Variants in CACNA1D observed in about 807,000 individuals in gnomAD.
CACNA1D encodes the protein voltage-dependent L-type calcium channel subunit alpha-1D.
In CACNA1D, 55 loss-of-function variants were observed where a neutral mutation model predicts 257.1. The ratio of observed to expected loss-of-function variants is 0.21; its 90% CI spans 0.17 to 0.27. The LOEUF is 0.27. Among genes scored for constraint, CACNA1D ranks in the 10% least tolerant of loss-of-function variants. The pLI is 1.00. For missense variants in CACNA1D, 1,876 were observed against 2,784.0 expected (o/e 0.67, Z 7.34); for synonymous variants, 980 against 1,014.9 (o/e 0.97, Z 0.65).
At position 53,774,322 on chromosome 3, in the gene CACNA1D, G is replaced by T; in HGVS notation, c.4111-265G>T. On this transcript the variant is annotated intron_variant, in intron 33 of 47. Transcript: ENST00000350061. This position sits in a 1 kb window ranked among gnomAD's most constrained non-coding sequence, Gnocchi z 4.3. ...CCCAGCATCATCACTGGGGTTTGAT[G>T]TTGCCTGGCTACCTTTGTGTCTCCC... is the stretch of plus-strand genomic sequence containing the variant. 1 of 459,930 alleles carries T rather than the reference G, an allele frequency of 2.2e-6. No individual in the cohort carries two copies. The highest frequency in any genetic ancestry group is 4.0e-6 in the Non-Finnish European group (1 of 249,292). 28.5% of individuals were successfully genotyped at this position (459,930 alleles called of 1,614,324 possible). A position where few individuals can be genotyped will look rare whatever the true frequency, so the allele number is the denominator to read the frequency against.
chr3:53,728,135 T>TTTA (rs2094953978), intron 15 of CACNA1D, among the ~76,000 whole-genome samples: 1 of 152,014 alleles, frequency 6.6e-6, no homozygotes, highest in Non-Finnish European at 1.5e-5. Flanking sequence ...TTTTTATTTA[T>TTTA]TTATTATTAT....
At position 53,693,437 on chromosome 3, in the gene CACNA1D, T is replaced by A. The variant is rs9869730; in HGVS notation, c.1221-9204T>A. The stretch of plus-strand genomic sequence containing the variant: ...GCCAATGATTAAAAATTTTTTAAAT[T>A]GTGAAACATCACACATTGCTGTTAT... On this transcript the variant is annotated intron_variant, in intron 8 of 47. Coordinates refer to ENST00000350061, the MANE Select transcript of CACNA1D (RefSeq NM_001128840.3). Among the ~76,000 whole-genome samples, 802 of 151,628 alleles carry A rather than the reference T, an allele frequency of 5.3e-3. 9 individuals are homozygous for A. The highest frequency in any genetic ancestry group is 0.018 in the African/African-American group (760 of 41,254).
intron 3 of CACNA1D, among the ~76,000 whole-genome samples, chr3:53,583,875 C>T (rs1478741447): frequency 1.3e-5 from 2 of 152,184 alleles, no homozygotes; most frequent in African/African-American, 4.8e-5. Context: ...GAGTGGGCCC[C>T]TTCATAGTTT....
chr3:53,585,250 C>T (rs2093195110), intron 3 of CACNA1D, among the ~76,000 whole-genome samples: 1 of 151,954 alleles, frequency 6.6e-6, no homozygotes, highest in Non-Finnish European at 1.5e-5. Context: ...CAGAGAGGTC[C>T]CTGGGTCAGA....
intron 9 of CACNA1D, among the ~76,000 whole-genome samples, chr3:53,716,237 A>G (rs977195579): frequency 1.3e-5 from 2 of 152,252 alleles, no homozygotes; most frequent in Non-Finnish European, 2.9e-5. Context: ...AGGAAAGTGA[A>G]GCCTGGAGAG....
chr3:53,557,284 C>T (rs1057329649), intron 3 of CACNA1D, among the ~76,000 whole-genome samples: 4 of 152,116 alleles, frequency 2.6e-5, no homozygotes, highest in South Asian at 2.1e-4. Flanking sequence ...CACCTGAGGT[C>T]GGGAGTTTGA....
chr3:53,504,469 G>A (rs2090740821), intron 3 of CACNA1D, among the ~76,000 whole-genome samples: 1 of 152,134 alleles, frequency 6.6e-6, no homozygotes, highest in Non-Finnish European at 1.5e-5. Context: ...ACCTTGGGGG[G>A]CAGAAGTTTT....
rs770332315 is a variant in CACNA1D, at chr3:53,810,194, G to C, written c.6088G>C (p.Asp2030His). Residue 2030 changes from aspartate (D) to histidine (H), a missense_variant, in exon 47 of 48, where the codon GAC becomes CAC. Physicochemically the swap from Asp to His is moderately conservative, Grantham distance 81. Transcript: ENST00000350061. ...CAGCTCCTGGTACACAGACGAGCCC[G>C]ACATCTCCTACCGGACTTTCACACC... is the stretch of plus-strand genomic sequence containing the variant. ...HRSSWYTDEP[D>H]ISYRTFTPAS... The C allele has an allele frequency of 6.2e-7, 1 of 1,613,974 alleles. No homozygotes were observed. The highest frequency in any genetic ancestry group is 8.5e-7 in the Non-Finnish European group (1 of 1,180,030).
intron 3 of CACNA1D, among the ~76,000 whole-genome samples, chr3:53,548,452 C>T (rs191168045): frequency 2.0e-5 from 3 of 151,434 alleles, no homozygotes; most frequent in East Asian, 3.9e-4. Flanking sequence ...CAGAAGCAGC[C>T]GGCTGAGAAC....
chr3:53,692,398 G>A (rs1187360465), intron 8 of CACNA1D, among the ~76,000 whole-genome samples: 3 of 152,196 alleles, frequency 2.0e-5, no homozygotes, highest in Non-Finnish European at 4.4e-5. Context: ...AGCATGCACA[G>A]TGGCCTGGTG....
intron 37 of CACNA1D, 50 bp from the exon 38 acceptor site, chr3:53,779,976 C>T (rs373707783): frequency 4.2e-6 from 5 of 1,199,334 alleles, no homozygotes; most frequent in South Asian, 2.4e-5. Flanking sequence ...AGGATATGGT[C>T]GTGGTCACTC....
chr3:53,774,164 G>A lies in CACNA1D; in HGVS notation c.4111-423G>A, dbSNP rs2095382972. The A allele has an allele frequency of 8.9e-6, 2 of 225,928 alleles. No individual in the cohort carries two copies. Among genetic ancestry groups the A allele is most frequent in the South Asian group, 1.4e-4 (2 of 14,494 alleles). 14.0% of individuals were successfully genotyped at this position (225,928 alleles called of 1,614,324 possible). ...GCTCCCTCCACCCGAAACACTCTTC[G>A]CCTTTCCTATCACCTGATGTATCTT... is the stretch of plus-strand genomic sequence containing the variant. On this transcript the variant is annotated intron_variant, in intron 33 of 47. Coordinates refer to ENST00000350061, the MANE Select transcript of CACNA1D (RefSeq NM_001128840.3). This position sits in a 1 kb window ranked among gnomAD's most constrained non-coding sequence, Gnocchi z 4.3.
chr3:53,608,262 A>G (rs979012699), intron 3 of CACNA1D, among the ~76,000 whole-genome samples: 4 of 152,070 alleles, frequency 2.6e-5, no homozygotes, highest in African/African-American at 4.8e-5. Flanking sequence ...GTTATTGTAA[A>G]TGGTATTTAT....
rs41276445 is a variant in CACNA1D, at chr3:53,730,470, C to T, written c.2250C>T (p.Ile750=). The change falls in exon 16 of 48, where the codon ATC becomes ATT. Residue 750 remains isoleucine, a synonymous_variant. Coordinates refer to ENST00000350061, the MANE Select transcript of CACNA1D (RefSeq NM_001128840.3). The part of the protein sequence containing the change: ...NYILLNVFLA[I]AVDNLADAES... ...TTCTACTGAATGTCTTCTTGGCCAT[C>T]GCTGTAGACAATTTGGCTGATGCTG... 1.1e-5 allele frequency: 18 copies of T among 1,613,412 alleles called. No individual in the cohort carries two copies. The highest frequency in any genetic ancestry group is 1.5e-5 in the Non-Finnish European group (18 of 1,179,328).
intron 8 of CACNA1D, among the ~76,000 whole-genome samples, chr3:53,685,464 T>C (rs2094466077): frequency 6.6e-6 from 1 of 152,198 alleles, no homozygotes; most frequent in Non-Finnish European, 1.5e-5. Flanking sequence ...GGTTAATAAA[T>C]TCAGCCAACT....
At chr3:53,725,847 T>C (rs573333435) in intron 14 of CACNA1D, among the ~76,000 whole-genome samples, 15 of 152,210 alleles carry the variant, frequency 9.9e-5, no homozygotes, top group Admixed American at 2.6e-4. Context: ...AGGAGCTCTG[T>C]CTGTCGTCGG....
chr3:53,777,974 G>C (rs1237683160), intron 37 of CACNA1D, among the ~76,000 whole-genome samples: 1 of 152,190 alleles, frequency 6.6e-6, no homozygotes, highest in Non-Finnish European at 1.5e-5. Flanking sequence ...TGGATCCAAG[G>C]AGATCCTGGG....
Position 53,495,355 on chromosome 3 carries a change from G to A in CACNA1D, c.67+122G>A, listed in dbSNP as rs548502340. On this transcript the variant is annotated intron_variant, in intron 1 of 47. Transcript: ENST00000350061. This position sits in a 1 kb window ranked among gnomAD's most constrained non-coding sequence, Gnocchi z 5.1. ...GGGTTGGAGAGGGTGCTGCCAGCTC[G>A]GTGTCGTCTACACAGAGAGGGGACA... 2 of 1,149,318 alleles carry A rather than the reference G, an allele frequency of 1.7e-6. No homozygotes were observed. The highest frequency in any genetic ancestry group is 2.4e-5 in the East Asian group (1 of 42,120). 71.2% of individuals were successfully genotyped at this position (1,149,318 alleles called of 1,614,324 possible). A position where few individuals can be genotyped will look rare whatever the true frequency, so the allele number is the denominator to read the frequency against.
chr3:53,747,281 C>T (rs1161498568), intron 25 of CACNA1D, 21 bp from the exon 26 acceptor site: 18 of 1,612,350 alleles, frequency 1.1e-5, no homozygotes, highest in Non-Finnish European at 1.4e-5. Context: ...CCAGACGACC[C>T]ACACCTGTTT....
Sources: gnomAD v4.1 joint callset for allele counts (sites outside exome capture counted in the v4.1 genomes callset) on GRCh38, gnomAD v4.1.1 for gene constraint, Gnocchi (gnomAD v3.1) non-coding constraint, MANE v1.5 for transcripts, NCBI Gene and HGNC (gene_info 2026-07-23, HGNC 2026-07-21) for gene names.